SLC28A1: variants seen among roughly 807,000 people sequenced by gnomAD.
SLC28A1 encodes solute carrier family 28 member 1, also known as sodium/nucleoside cotransporter 1.
A neutral mutation model predicts 74.8 loss-of-function variants in SLC28A1; 64 were observed. The observed-to-expected ratio is 0.86, with a 90% CI of 0.70 to 1.05. The LOEUF (loss-of-function observed/expected upper bound fraction) is 1.05. Ranked by LOEUF, SLC28A1 falls within the 50% of genes least tolerant of loss-of-function variation. The probability of loss-of-function intolerance (pLI) is 0.00; values close to 1 mark genes in which losing one functional copy is unlikely to be tolerated. For missense variants in SLC28A1, 828 were observed against 822.8 expected (o/e 1.01, Z -0.08); for synonymous variants, 359 against 335.0 (o/e 1.07, Z -0.78).
chr15:84,918,552 G>C lies in SLC28A1; in HGVS notation c.824G>C (p.Cys275Ser). 6.2e-7 allele frequency: 1 copy of C among 1,613,968 alleles called. No individual in the cohort carries two copies. Among genetic ancestry groups the C allele is most frequent in the Non-Finnish European group, 8.5e-7 (1 of 1,179,910 alleles). Reference protein sequence around the residue: ...QVLPIIVFFSCVISVLYHVGL... With the variant: ...QVLPIIVFFSSVISVLYHVGL... ...CTGCCCATCATTGTCTTTTTCAGCTGTGTCATATCCGTTCTCTACCACGTG... is the reference window on the plus strand; with the variant it reads ...CTGCCCATCATTGTCTTTTTCAGCTCTGTCATATCCGTTCTCTACCACGTG... The change falls in exon 10 of 19, where the codon TGT (cysteine) becomes TCT (serine). Residue 275 changes from cysteine (C) to serine (S), a missense_variant. Transcript: ENST00000394573.
the SLC28A1 span, among the ~76,000 whole-genome samples, chr15:84,953,305 C>G: frequency 1.3e-5 from 2 of 152,194 alleles, no homozygotes; most frequent in African/African-American, 4.8e-5. Context: ...CTGAAAAGTT[C>G]CGTAACTCGG....
At position 84,897,781 on chromosome 15, in the gene SLC28A1, C is replaced by T. The variant is rs556539333; in HGVS notation, c.461+2658C>T. On this transcript the variant is annotated intron_variant, in intron 6 of 18. Transcript: ENST00000394573. ...CCCATTAATCAACTACTCGTCATCC[C>T]GCCTCCCTCCTCCCCTTCAGAGTCT... Among the ~76,000 whole-genome samples the T allele has an allele frequency of 5.9e-5, 9 of 152,288 alleles. No individual in the cohort carries two copies. In the South Asian group the frequency reaches 6.2e-4, roughly 11 times the overall value.
At chr15:84,907,218 T>C (rs904901697) in intron 8 of SLC28A1, among the ~76,000 whole-genome samples, 4 of 152,336 alleles carry the variant, frequency 2.6e-5, no homozygotes, top group African/African-American at 9.6e-5. Context: ...AGTGATTCCA[T>C]TGTGGTTTGG....
At chr15:84,889,740 CCTTCCTT>C (rs2141639388) in intron 4 of SLC28A1, among the ~76,000 whole-genome samples, 2 of 82,144 alleles carry the variant, frequency 2.4e-5, no homozygotes, top group South Asian at 8.4e-4. Flanking sequence ...TTCCTTCCTT[CCTTCCTT>C]CCTTCCTTCC....
At chr15:84,957,498 C>T in the SLC28A1 span, among the ~76,000 whole-genome samples, 1 of 152,216 alleles carries the variant, frequency 6.6e-6, no homozygotes, top group Non-Finnish European at 1.5e-5. Flanking sequence ...AACTCCTGGC[C>T]TCAAGTGATC....
At chr15:84,941,508 A>T (rs1352676908) in intron 15 of SLC28A1, among the ~76,000 whole-genome samples, 3 of 150,786 alleles carry the variant, frequency 2.0e-5, no homozygotes, top group African/African-American at 7.3e-5. Flanking sequence ...CCCGGCCGGG[A>T]TTTGTTTTTT....
the SLC28A1 span, among the ~76,000 whole-genome samples, chr15:84,961,033 T>C: frequency 6.6e-6 from 1 of 152,150 alleles, no homozygotes; most frequent in South Asian, 2.1e-4. Flanking sequence ...CGGCTCCACT[T>C]CTTCACATCC....
chr15:84,916,981 T>A (rs936282803), intron 9 of SLC28A1, among the ~76,000 whole-genome samples: 2 of 135,336 alleles, frequency 1.5e-5, no homozygotes, highest in African/African-American at 2.8e-5. Context: ...TGAGCCGAGA[T>A]CGTACCACTG....
At chr15:84,936,758 AAG>A (rs1159829049) in intron 15 of SLC28A1, among the ~76,000 whole-genome samples, 1 of 152,188 alleles carries the variant, frequency 6.6e-6, no homozygotes, top group Non-Finnish European at 1.5e-5. Flanking sequence ...CCATTCTTTT[AAG>A]AGAGAGTTTA....
chr15:84,941,916 G>T (rs889436781), intron 15 of SLC28A1, among the ~76,000 whole-genome samples: 2 of 152,196 alleles, frequency 1.3e-5, no homozygotes, highest in Admixed American at 6.5e-5. Flanking sequence ...TCAGAACTGA[G>T]TTCAAATTCT....
At chr15:84,912,822 A>G (rs796274984) in intron 9 of SLC28A1, among the ~76,000 whole-genome samples, 22,895 of 131,892 alleles carry the variant, frequency 0.17, 2,084 homozygotes, top group South Asian at 0.4. Context: ...ACACACACAC[A>G]CACACACACA....
At chr15:84,912,800 G>GCGCGCA (rs1245848400) in intron 9 of SLC28A1, among the ~76,000 whole-genome samples, 5 of 51,656 alleles carry the variant, frequency 9.7e-5, no homozygotes, top group Admixed American at 4.5e-4. Flanking sequence ...CAAATTTTGC[G>GCGCGCA]CGCGCGCACA....
rs568655146 is a variant in SLC28A1, at chr15:84,919,322, G to C, written c.876+718G>C. On this transcript the variant is annotated intron_variant, in intron 10 of 18. Transcript: ENST00000394573. Reference sequence around the variant, plus strand: ...ATTGGACTTGGCAAAAGATTCCAAGGTTTTAGCTGATTGAGCTCAGAATAA... The same window carrying C: ...ATTGGACTTGGCAAAAGATTCCAAGCTTTTAGCTGATTGAGCTCAGAATAA... Among the ~76,000 whole-genome samples the C allele has an allele frequency of 5.9e-4, 90 of 152,306 alleles. No homozygotes were observed. The South Asian group carries it at 0.018, about 30-fold the overall frequency.
chr15:84,887,141 A>C lies in SLC28A1; in HGVS notation c.-17+354A>C, dbSNP rs185072719. 5.3e-5 allele frequency among the ~76,000 whole-genome samples: 8 copies of C among 152,316 alleles called. No individual in the cohort carries two copies. The East Asian group carries it at 1.5e-3, about 29-fold the overall frequency. The stretch of plus-strand genomic sequence containing the variant: ...ATCCAGGAACTGGAATGATGCCTTT[A>C]AGGATGTTGCACCTCCATCTTTCAG... On this transcript the variant is annotated intron_variant, in intron 2 of 18. Transcript: ENST00000394573.
At chr15:84,889,104 G>A (rs113083887) in intron 4 of SLC28A1, among the ~76,000 whole-genome samples, 4 of 152,142 alleles carry the variant, frequency 2.6e-5, no homozygotes, top group South Asian at 2.1e-4. Flanking sequence ...AGTATGTACC[G>A]TGGGGCCTGC....
At chr15:84,946,068 A>ATATG (rs1567196080), downstream of SLC28A1, among the ~76,000 whole-genome samples, 3 of 60,164 alleles carry the variant, frequency 5.0e-5, no homozygotes, top group East Asian at 6.6e-4. Flanking sequence ...ACATATATAT[A>ATATG]TATGTGTGTG....
At chr15:84,895,148 C>T in intron 6 of SLC28A1, 25 bp downstream of exon 6, 1 of 1,613,002 alleles carries the variant, frequency 6.2e-7, no homozygotes, top group African/African-American at 1.3e-5. Flanking sequence ...AGCCCCGAGG[C>T]AGGGCAGGGG....
In SLC28A1 at chr15:84,933,047, C is replaced by G. The variant is rs1008391832; in HGVS notation, c.1084-98C>G. On this transcript the variant is annotated intron_variant, in intron 12 of 18. Transcript: ENST00000394573. Reference sequence around the variant, plus strand: ...TGACAATGAGGACATATCAGTGGGACAGACTACACATGTGCCCTTGCTGCC... The same window carrying G: ...TGACAATGAGGACATATCAGTGGGAGAGACTACACATGTGCCCTTGCTGCC... The G allele has an allele frequency of 2.6e-5, 31 of 1,177,274 alleles. No individual in the cohort carries two copies. In the South Asian group the frequency reaches 2.7e-4, roughly 10 times the overall value. The allele number at this position is 1,177,274 out of a possible 1,614,324, so 72.9% of individuals were successfully genotyped here.
At position 84,895,070 on chromosome 15, in the gene SLC28A1, G is replaced by C. The variant is rs1430043462; in HGVS notation, c.408G>C (p.Leu136=). Residue 136 remains leucine (L), a synonymous_variant, in exon 6 of 19, where the codon CTG becomes CTC. Coordinates refer to ENST00000394573, the MANE Select transcript of SLC28A1 (RefSeq NM_004213.5). ...RLLKRLLGPK[L]RRFLKPQGHP... is the part of the protein sequence containing the mutation. ...TGAAACGGCTTCTGGGGCCAAAGCT[G>C]AGGAGGTTTCTCAAGCCTCAGGGCC... 30 of 1,600,166 alleles carry C rather than the reference G, an allele frequency of 1.9e-5. No individual in the cohort carries two copies. The highest frequency in any genetic ancestry group is 2.6e-5 in the Non-Finnish European group (30 of 1,173,500).
Sources: gnomAD v4.1 joint callset for allele counts (sites outside exome capture counted in the v4.1 genomes callset) on GRCh38, gnomAD v4.1.1 for gene constraint, MANE v1.5 for transcripts, NCBI Gene and HGNC (gene_info 2026-07-23, HGNC 2026-07-21) for gene names.